Variants in FAM135B observed in about 807,000 individuals in gnomAD.
FAM135B encodes protein FAM135B.
In FAM135B, 43 loss-of-function variants were observed where a neutral mutation model predicts 127.7. That is an observed-to-expected ratio of 0.34 (90% CI 0.26 to 0.43). FAM135B has a LOEUF of 0.43. FAM135B is among the 20% of genes least tolerant of loss of function. The pLI, the probability that FAM135B is intolerant of heterozygous loss-of-function variation, is 1.00. For synonymous variants in FAM135B, 670 were observed against 665.1 expected (o/e 1.01, Z -0.11); for missense variants, 1,558 against 1,725.6 (o/e 0.90, Z 1.72).
intron 6 of FAM135B, among the ~76,000 whole-genome samples, chr8:138,244,494 C>A (rs1163577961): frequency 6.6e-6 from 1 of 152,102 alleles, no homozygotes; most frequent in African/African-American, 2.4e-5. Context: ...GTTGGGGTCC[C>A]ATGGGATAAG....
intron 5 of FAM135B, among the ~76,000 whole-genome samples, 153 bp downstream of exon 5, chr8:138,256,536 C>A (rs1346981852): frequency 6.6e-6 from 1 of 152,290 alleles, no homozygotes; most frequent in South Asian, 2.1e-4. Context: ...ACTTTCTTAG[C>A]CCGCACCCCT....
At chr8:138,333,911 C>A (rs1024731412) in intron 2 of FAM135B, among the ~76,000 whole-genome samples, 2 of 152,034 alleles carry the variant, frequency 1.3e-5, no homozygotes, top group Non-Finnish European at 2.9e-5. Context: ...TCCTGACCTC[C>A]ATGTCTCTTT....
rs142027686 is a variant in FAM135B, at chr8:138,294,382, A to G, written c.157+16459T>C. Among the ~76,000 whole-genome samples the G allele has an allele frequency of 8.5e-4, 130 of 152,260 alleles. 1 individual carries two copies. The highest frequency in any genetic ancestry group is 3.4e-3 in the Middle Eastern group (1 of 294). Reference sequence around the variant, plus strand: ...TCATCAAAAACCACCGTACCCCAAAAGCTACTTAAATAAAAAATATTTTTA... The same window carrying G: ...TCATCAAAAACCACCGTACCCCAAAGGCTACTTAAATAAAAAATATTTTTA... On this transcript the variant is annotated intron_variant, in intron 3 of 19. Transcript: ENST00000395297.
intron 1 of FAM135B, among the ~76,000 whole-genome samples, chr8:138,390,933 C>G: frequency 6.6e-6 from 1 of 152,246 alleles, no homozygotes. Flanking sequence ...AACTGTTTAC[C>G]GTACCACGAC....
chr8:138,219,839 G>T (rs1477112929), intron 7 of FAM135B, among the ~76,000 whole-genome samples: 1 of 152,100 alleles, frequency 6.6e-6, no homozygotes, highest in Non-Finnish European at 1.5e-5. Flanking sequence ...TGTTCTGGTA[G>T]AAACAGAAAC....
intron 3 of FAM135B, among the ~76,000 whole-genome samples, chr8:138,288,929 C>T (rs1349021626): frequency 6.6e-6 from 1 of 152,160 alleles, no homozygotes; most frequent in Non-Finnish European, 1.5e-5. Flanking sequence ...CTGCAGTATA[C>T]ACAGATGTCC....
At chr8:138,449,387 C>A (rs1363462710) in intron 1 of FAM135B, among the ~76,000 whole-genome samples, 2 of 151,908 alleles carry the variant, frequency 1.3e-5, no homozygotes, top group Non-Finnish European at 2.9e-5. Context: ...GAGAGAGGAG[C>A]CCACAGGAGG....
chr8:138,219,608 A>C (rs1215913261), intron 7 of FAM135B, among the ~76,000 whole-genome samples: 2 of 152,188 alleles, frequency 1.3e-5, no homozygotes, highest in Non-Finnish European at 2.9e-5. Flanking sequence ...AGGCCTTCCT[A>C]TTCCTCCACT....
intron 1 of FAM135B, among the ~76,000 whole-genome samples, chr8:138,488,273 G>T (rs1038864243): frequency 2.0e-5 from 3 of 152,286 alleles, no homozygotes; most frequent in Middle Eastern, 3.4e-3. Context: ...CGCTAAATGG[G>T]TGTCAGGAAC....
At chr8:138,272,712 C>G (rs1823475059) in intron 3 of FAM135B, among the ~76,000 whole-genome samples, 1 of 152,184 alleles carries the variant, frequency 6.6e-6, no homozygotes, top group Non-Finnish European at 1.5e-5. Flanking sequence ...TGTGTTGCCT[C>G]TAGTACACTT....
chr8:138,157,656 GACAA>G (rs1344101553), intron 12 of FAM135B, among the ~76,000 whole-genome samples: 5 of 152,102 alleles, frequency 3.3e-5, no homozygotes, highest in African/African-American at 9.7e-5. Flanking sequence ...ACCAATAACA[GACAA>G]ACAGAGAGCC....
intron 1 of FAM135B, among the ~76,000 whole-genome samples, chr8:138,448,768 C>T (rs1394427079): frequency 6.6e-6 from 1 of 150,854 alleles, no homozygotes; most frequent in Non-Finnish European, 1.5e-5. Flanking sequence ...TTCTTCTGTT[C>T]CTCTGGAAAA....
chr8:138,322,526 A>G (rs1827518469), intron 2 of FAM135B, among the ~76,000 whole-genome samples: 1 of 152,236 alleles, frequency 6.6e-6, no homozygotes, highest in African/African-American at 2.4e-5. Flanking sequence ...AGAGTGGGAC[A>G]CCATGACAGA....
chr8:138,142,784 T>C, intron 16 of FAM135B: 1 of 432,758 alleles, frequency 2.3e-6, no homozygotes, highest in Non-Finnish European at 4.1e-6. Flanking sequence ...CAAGACTCTT[T>C]CTACAGAACT....
intron 1 of FAM135B, among the ~76,000 whole-genome samples, chr8:138,417,576 T>C (rs1474556112): frequency 1.3e-5 from 2 of 152,164 alleles, no homozygotes; most frequent in Non-Finnish European, 2.9e-5. Flanking sequence ...ATGACAGTAT[T>C]GTTACCAATG....
intron 1 of FAM135B, among the ~76,000 whole-genome samples, chr8:138,415,283 T>G (rs979638425): frequency 1.3e-5 from 2 of 152,178 alleles, no homozygotes; most frequent in African/African-American, 4.8e-5. Context: ...TCTAAGTTGG[T>G]GGGCTATGTT....
Position 138,228,226 on chromosome 8 carries a change from G to A in FAM135B, c.669+14716C>T, listed in dbSNP as rs566264687. Among the ~76,000 whole-genome samples the A allele has an allele frequency of 9.2e-5, 14 of 151,942 alleles. No homozygotes were observed. The South Asian group carries it at 2.9e-3, about 32-fold the overall frequency. On this transcript the variant is annotated intron_variant, in intron 7 of 19. Coordinates refer to ENST00000395297, the MANE Select transcript of FAM135B (RefSeq NM_015912.4). The stretch of plus-strand genomic sequence containing the variant: ...CCATTCCAAGAGACCTCAGTTGGAG[G>A]TAGACATCAGAATCATGGGGTAATA...
chr8:138,456,389 C>T (rs1001402413), intron 1 of FAM135B, among the ~76,000 whole-genome samples: 1 of 152,192 alleles, frequency 6.6e-6, no homozygotes, highest in African/African-American at 2.4e-5. Flanking sequence ...AAAACAAGTG[C>T]ATTTCTGAAG....
chr8:138,358,901 AG>A (rs1423335125), intron 2 of FAM135B, among the ~76,000 whole-genome samples: 4 of 152,098 alleles, frequency 2.6e-5, no homozygotes, highest in African/African-American at 9.7e-5. Flanking sequence ...AAATCTCAGC[AG>A]GTCAATGTCC....
Sources: allele counts gnomAD v4.1 joint callset (sites outside exome capture counted in the v4.1 genomes callset), GRCh38; gene constraint gnomAD v4.1.1; transcripts MANE v1.5; gene names NCBI Gene and HGNC (gene_info 2026-07-23, HGNC 2026-07-21).